The following DCLK2 variants were observed in gnomAD, a reference collection of about 807,000 sequenced individuals.
The protein encoded by DCLK2 is serine/threonine-protein kinase DCLK2.
In DCLK2, 31 loss-of-function variants were observed where a neutral mutation model predicts 78.4. The observed-to-expected ratio is 0.40, with a 90% CI of 0.30 to 0.53. The LOEUF is 0.53. Ranked by LOEUF, DCLK2 falls within the 20% of genes least tolerant of loss-of-function variation. The probability of loss-of-function intolerance (pLI) is 0.61; values close to 1 mark genes in which losing one functional copy is unlikely to be tolerated. For missense variants in DCLK2, 872 were observed against 973.7 expected (o/e 0.90, Z 1.39); for synonymous variants, 407 against 374.9 (o/e 1.09, Z -0.99).
intron 5 of DCLK2, among the ~76,000 whole-genome samples, chr4:150,213,609 A>T (rs76305801): frequency 0.026 from 3,958 of 151,462 alleles, 120 homozygotes; most frequent in African/African-American, 0.073. Flanking sequence ...ATTTTTTTTT[A>T]AAAAAAAATT....
At position 150,079,408 on chromosome 4, in the gene DCLK2, C is replaced by T. The variant is rs1001793445; in HGVS notation, c.381C>T (p.Asp127=). The change falls in exon 1 of 16, where the codon GAC becomes GAT. Residue 127 remains aspartate (D), a synonymous_variant. Transcript: ENST00000296550. ...GTGTCCGCACTATCTACACCATCGA[C>T]GGCAGCCGGAAGGTCACCAGCCTGG... ...PQGVRTIYTI[D]GSRKVTSLDE... 1.9e-6 allele frequency: 3 copies of T among 1,558,388 alleles called. No homozygotes were observed. The highest frequency in any genetic ancestry group is 1.2e-5 in the South Asian group (1 of 84,712).
chr4:150,125,107 C>G (rs1732830022), intron 2 of DCLK2, among the ~76,000 whole-genome samples: 1 of 152,120 alleles, frequency 6.6e-6, no homozygotes, highest in Non-Finnish European at 1.5e-5. Context: ...GTTGTCATGT[C>G]GTTCTCAAGA....
chr4:150,175,560 C>A (rs1302060921), intron 2 of DCLK2: 2 of 152,074 alleles, frequency 1.3e-5, no homozygotes, highest in Admixed American at 1.3e-4. Flanking sequence ...CTGTCCTTCA[C>A]CCAGATGAAG....
At chr4:150,216,499 C>T (rs1740728964) in intron 5 of DCLK2, among the ~76,000 whole-genome samples, 1 of 152,010 alleles carries the variant, frequency 6.6e-6, no homozygotes, top group Non-Finnish European at 1.5e-5. Flanking sequence ...ATTAGTCGGG[C>T]GTGGTGGCGG....
At chr4:150,251,804 T>C (rs938332922) in intron 15 of DCLK2, among the ~76,000 whole-genome samples, 3 of 141,474 alleles carry the variant, frequency 2.1e-5, no homozygotes, top group African/African-American at 8.1e-5. Flanking sequence ...GTTATATGGA[T>C]TGAGCGTCCA....
chr4:150,121,495 T>G (rs567803638), intron 2 of DCLK2, among the ~76,000 whole-genome samples: 5 of 152,348 alleles, frequency 3.3e-5, no homozygotes, highest in African/African-American at 1.2e-4. Flanking sequence ...AGGCTCCACT[T>G]CTAATTCTAG....
intron 1 of DCLK2, among the ~76,000 whole-genome samples, chr4:150,088,244 T>C (rs1046321330): frequency 6.6e-6 from 1 of 152,182 alleles, no homozygotes; most frequent in Non-Finnish European, 1.5e-5. Context: ...GTGGGAGAAC[T>C]TGAGAAATAG....
chr4:150,196,477 T>C (rs1441152480), intron 3 of DCLK2, among the ~76,000 whole-genome samples: 1 of 152,220 alleles, frequency 6.6e-6, no homozygotes, highest in Non-Finnish European at 1.5e-5. Context: ...TGGGTGTATT[T>C]TCCTGGTTAG....
At chr4:150,216,912 G>A (rs918360535) in intron 5 of DCLK2, among the ~76,000 whole-genome samples, 2 of 152,094 alleles carry the variant, frequency 1.3e-5, no homozygotes, top group African/African-American at 2.4e-5. Context: ...ATTATGAATG[G>A]CATCCTGAAA....
intron 5 of DCLK2, among the ~76,000 whole-genome samples, chr4:150,219,283 T>TTTG (rs1740987093): frequency 6.7e-6 from 1 of 149,964 alleles, no homozygotes; most frequent in South Asian, 2.1e-4. Context: ...TTTTTTTTTT[T>TTTG]TTAAGAAGGA....
intron 5 of DCLK2, among the ~76,000 whole-genome samples, chr4:150,219,922 A>G (rs1308603433): frequency 6.6e-6 from 1 of 152,208 alleles, no homozygotes; most frequent in Non-Finnish European, 1.5e-5. Context: ...TAACAAAGAC[A>G]CACTGGGGTT....
chr4:150,088,562 C>T (rs62339909), intron 1 of DCLK2, among the ~76,000 whole-genome samples: 21,911 of 152,056 alleles, frequency 0.14, 1,983 homozygotes, highest in Non-Finnish European at 0.21. Flanking sequence ...CCTCAGTCTC[C>T]GGTTAGCTGG....
Position 150,078,989 on chromosome 4 carries a change from C to T in DCLK2, c.-39C>T. Reference sequence around the variant, plus strand: ...ACCGGCGCTCGCACCCTTAGTCGGCCCGGAACGTCTTTTTGCGGACGCCCT... The same window carrying T: ...ACCGGCGCTCGCACCCTTAGTCGGCTCGGAACGTCTTTTTGCGGACGCCCT... On this transcript the variant is annotated 5_prime_UTR_variant, in exon 1 of 16. Transcript: ENST00000296550. 6.0e-6 allele frequency: 9 copies of T among 1,505,438 alleles called. No homozygotes were observed. The highest frequency in any genetic ancestry group is 8.0e-6 in the Non-Finnish European group (9 of 1,130,700). 93.3% of individuals were successfully genotyped at this position (1,505,438 alleles called of 1,614,324 possible).
intron 8 of DCLK2, among the ~76,000 whole-genome samples, chr4:150,229,510 T>G (rs568063163): frequency 6.6e-6 from 1 of 152,244 alleles, no homozygotes; most frequent in South Asian, 2.1e-4. Context: ...TTCCTGTTTC[T>G]GCTTGGGACA....
At chr4:150,222,235 A>G (rs1326992411) in intron 7 of DCLK2, among the ~76,000 whole-genome samples, 3 of 152,126 alleles carry the variant, frequency 2.0e-5, no homozygotes, top group Non-Finnish European at 2.9e-5. Flanking sequence ...AATTACAGGC[A>G]TGAGTGACTG....
At chr4:150,201,308 C>A (rs937503831) in intron 4 of DCLK2, among the ~76,000 whole-genome samples, 1 of 152,100 alleles carries the variant, frequency 6.6e-6, no homozygotes, top group Non-Finnish European at 1.5e-5. Flanking sequence ...CTGGCGGAGG[C>A]ATACCTTCCA....
rs111720004 is a variant in DCLK2 at position 150,188,058 on chromosome 4, C to T, written c.757-5080C>T. 8.5e-3 allele frequency among the ~76,000 whole-genome samples: 1,299 copies of T among 152,284 alleles called. 21 individuals carry two copies. Among genetic ancestry groups the T allele is most frequent in the African/African-American group, 0.029 (1,217 of 41,564 alleles). ...TCATGATCCGCACCCCTTGGCCTCC[C>T]AAAGTGTTGGGATTGCACGCGTGAG... On this transcript the variant is annotated intron_variant, in intron 2 of 15. Coordinates refer to ENST00000296550, the MANE Select transcript of DCLK2 (RefSeq NM_001040260.4).
intron 14 of DCLK2, among the ~76,000 whole-genome samples, 182 bp downstream of exon 14, chr4:150,248,567 C>G (rs1049160886): frequency 6.6e-6 from 1 of 152,194 alleles, no homozygotes; most frequent in Non-Finnish European, 1.5e-5. Context: ...GCACTAGGGT[C>G]CCAGTCTTAG....
chr4:150,255,983 C>A, intron 15 of DCLK2, 37 bp from the exon 16 acceptor site: 2 of 1,601,930 alleles, frequency 1.2e-6, no homozygotes, highest in Non-Finnish European at 1.7e-6. Context: ...CGAGCCTGGG[C>A]CCGGGTAATG....
Sources: gnomAD v4.1 joint callset for allele counts (sites outside exome capture counted in the v4.1 genomes callset) on GRCh38, gnomAD v4.1.1 for gene constraint, MANE v1.5 for transcripts, NCBI Gene and HGNC (gene_info 2026-07-23, HGNC 2026-07-21) for gene names.